The following DENND2B variants were observed in gnomAD, a reference collection of about 807,000 sequenced individuals.
The protein encoded by DENND2B is DENN domain containing 2B.
Under a neutral mutation model 116.0 loss-of-function variants are expected in DENND2B, and 32 were observed. The ratio of observed to expected loss-of-function variants is 0.28; its 90% CI spans 0.21 to 0.37. DENND2B has a LOEUF of 0.37. Among genes scored for constraint, DENND2B ranks in the 10% least tolerant of loss-of-function variants. The pLI is 1.00. For missense variants in DENND2B, 1,276 were observed against 1,477.7 expected, an observed-to-expected ratio of 0.86 and a Z score of 2.24; for synonymous variants, 588 against 583.9, an observed-to-expected ratio of 1.01 and a Z score of -0.10.
intron 1 of DENND2B, chr11:8,808,640 T>A (rs1167720104): frequency 6.6e-6 from 1 of 152,216 alleles, no homozygotes. Context: ...CAAAGTGACT[T>A]TCCAGAGAGA....
intron 1 of DENND2B, among the ~76,000 whole-genome samples, chr11:8,891,085 T>C (rs946736512): frequency 2.0e-5 from 3 of 152,196 alleles, no homozygotes; most frequent in Admixed American, 1.3e-4. Context: ...GGGGCCAATA[T>C]TCAACATTCT....
chr11:8,763,989 C>T (rs891044269), intron 1 of DENND2B, among the ~76,000 whole-genome samples: 3 of 151,948 alleles, frequency 2.0e-5, no homozygotes, highest in South Asian at 4.2e-4. Context: ...TTTGGGAGGC[C>T]GAGGTGGGTG....
chr11:8,883,624 G>C (rs2063926233), intron 1 of DENND2B, among the ~76,000 whole-genome samples: 2 of 152,158 alleles, frequency 1.3e-5, no homozygotes, highest in South Asian at 4.1e-4. Flanking sequence ...GGCCTATGAA[G>C]CCAAAACATT....
At chr11:8,714,366 A>G (rs919780707) in intron 7 of DENND2B, among the ~76,000 whole-genome samples, 3 of 152,238 alleles carry the variant, frequency 2.0e-5, no homozygotes, top group African/African-American at 7.2e-5. Context: ...AACAGACCGC[A>G]ATGCTCAGTG....
chr11:8,826,117 C>G (rs2061969939), intron 4 of DENND2B, among the ~76,000 whole-genome samples: 1 of 152,224 alleles, frequency 6.6e-6, no homozygotes, highest in African/African-American at 2.4e-5. Context: ...AAAACTACCG[C>G]TTTTATCCCC....
intron 14 of DENND2B, among the ~76,000 whole-genome samples, chr11:8,701,527 TCTGC>T (rs1200024740): frequency 6.6e-6 from 1 of 152,158 alleles, no homozygotes; most frequent in South Asian, 2.1e-4. Flanking sequence ...CTTTCTTCTT[TCTGC>T]CTTTCTCCTT....
chr11:8,761,102 C>G (rs1167597871), intron 1 of DENND2B, among the ~76,000 whole-genome samples: 2 of 152,214 alleles, frequency 1.3e-5, no homozygotes, highest in African/African-American at 4.8e-5. Context: ...TGGTCCTTCT[C>G]CACTTCAGTG....
At chr11:8,842,022 A>G (rs1348820543) in intron 3 of DENND2B, among the ~76,000 whole-genome samples, 5 of 152,192 alleles carry the variant, frequency 3.3e-5, no homozygotes, top group South Asian at 2.1e-4. Flanking sequence ...GAAATCTGCA[A>G]TCAAATGAAC....
chr11:8,910,544 G>T (rs2064305064), intron 1 of DENND2B, among the ~76,000 whole-genome samples: 1 of 151,610 alleles, frequency 6.6e-6, no homozygotes, highest in Non-Finnish European at 1.5e-5. Flanking sequence ...ACAGATGCGC[G>T]CCACCACTCC....
intron 4 of DENND2B, among the ~76,000 whole-genome samples, chr11:8,821,103 G>C (rs1268613306): frequency 4.8e-5 from 7 of 144,628 alleles, no homozygotes; most frequent in African/African-American, 1.6e-4. Context: ...CTGGGCAACA[G>C]AGCGAGACTC....
intron 14 of DENND2B, among the ~76,000 whole-genome samples, chr11:8,701,383 T>C (rs756415320): frequency 4.7e-4 from 60 of 127,368 alleles, no homozygotes; most frequent in Non-Finnish European, 7.8e-4. Flanking sequence ...ATGACATGCC[T>C]GGTCAAACCA....
At chr11:8,787,100 A>G (rs2058981709) in intron 1 of DENND2B, 1 of 152,210 alleles carries the variant, frequency 6.6e-6, no homozygotes, top group Non-Finnish European at 1.5e-5. Context: ...AGGAGCCACA[A>G]TTCAAACCAG....
At chr11:8,870,524 T>TGTGTGC (rs2063743426) in intron 2 of DENND2B, among the ~76,000 whole-genome samples, 1 of 114,454 alleles carries the variant, frequency 8.7e-6, no homozygotes, top group African/African-American at 2.9e-5. Context: ...TGTGTGTGTG[T>TGTGTGC]GCGCGCGCGC....
intron 4 of DENND2B, among the ~76,000 whole-genome samples, chr11:8,830,015 T>C (rs1484688784): frequency 2.6e-5 from 4 of 152,204 alleles, no homozygotes; most frequent in Admixed American, 2.6e-4. Context: ...TGGAATATTC[T>C]CTAGGACTCG....
At chr11:8,907,809 T>G (rs1163569088) in intron 1 of DENND2B, among the ~76,000 whole-genome samples, 1 of 152,034 alleles carries the variant, frequency 6.6e-6, no homozygotes, top group African/African-American at 2.4e-5. Flanking sequence ...AATCCTCCCA[T>G]CTCAACCTCC....
chr11:8,885,934 T>C lies in DENND2B; in HGVS notation c.-255-4825A>G, dbSNP rs145370507. Among the ~76,000 whole-genome samples the C allele has an allele frequency of 4.4e-3, 664 of 152,204 alleles. 9 individuals are homozygous for C. The highest frequency in any genetic ancestry group is 0.015 in the African/African-American group (627 of 41,498). On this transcript the variant is annotated intron_variant, in intron 1 of 22. Transcript: ENST00000534127. The stretch of plus-strand genomic sequence containing the variant: ...ATATTCCAGGAAAGGAATATTCTTT[T>C]TTTTTCTAACTTTTTTCGGGGGGAG...
chr11:8,707,277 TC>T lies in DENND2B; in HGVS notation c.2431-53del. On this transcript the variant is annotated intron_variant, in intron 12 of 19. Coordinates refer to ENST00000313726, the MANE Select transcript of DENND2B (RefSeq NM_213618.2). This position sits in a 1 kb window ranked among gnomAD's most constrained non-coding sequence, Gnocchi z 4.8. The stretch of plus-strand genomic sequence containing the variant: ...AGGAAGGGTGTCAGGGCACTGCCCT[TC>T]CCCCTCCTGGCAGAGAAGAGGGCAG... The T allele has an allele frequency of 6.4e-7, 1 of 1,569,444 alleles. No individual in the cohort carries two copies. The highest frequency in any genetic ancestry group is 8.7e-7 in the Non-Finnish European group (1 of 1,154,090).
intron 2 of DENND2B, among the ~76,000 whole-genome samples, chr11:8,860,902 C>A (rs1183506679): frequency 6.6e-6 from 1 of 152,036 alleles, no homozygotes; most frequent in Non-Finnish European, 1.5e-5. Context: ...AACCAACTAA[C>A]CTTCAACAAA....
chr11:8,715,939 C>T (rs1175281252), intron 5 of DENND2B, 121 bp from the exon 6 acceptor site: 26 of 859,882 alleles, frequency 3.0e-5, no homozygotes, highest in Non-Finnish European at 4.5e-5. Flanking sequence ...GCCATCTTGC[C>T]CTGGAACTTC....
Sources: allele counts gnomAD v4.1 joint callset (sites outside exome capture counted in the v4.1 genomes callset), GRCh38; gene constraint gnomAD v4.1.1; non-coding constraint Gnocchi (gnomAD v3.1); transcripts MANE v1.5; gene names NCBI Gene and HGNC (gene_info 2026-07-23, HGNC 2026-07-21).